The following LDLRAD4 variants were observed in gnomAD, a reference collection of about 807,000 sequenced individuals.
LDLRAD4 encodes low-density lipoprotein receptor class A domain-containing protein 4.
LDLRAD4 carries 5 observed loss-of-function variants against 17.0 expected under a neutral mutation model. That is an observed-to-expected ratio of 0.29 (90% CI 0.15 to 0.62). The LOEUF (loss-of-function observed/expected upper bound fraction) is 0.62, where lower values mean the gene tolerates loss of function less well. Ranked by LOEUF, LDLRAD4 falls within the 20% of genes least tolerant of loss-of-function variation. The pLI, the probability that LDLRAD4 is intolerant of heterozygous loss-of-function variation, is 0.84. For missense variants in LDLRAD4, 340 were observed against 424.7 expected, an observed-to-expected ratio of 0.80 and a Z score of 1.75; for synonymous variants, 168 against 171.8, an observed-to-expected ratio of 0.98 and a Z score of 0.17.
chr18:13,231,076 G>C (rs766621408), intron 1 of LDLRAD4, among the ~76,000 whole-genome samples: 1 of 152,182 alleles, frequency 6.6e-6, no homozygotes, highest in Non-Finnish European at 1.5e-5. Context: ...CTGATGTCCA[G>C]GGTGCTGCGG....
rs367805996 is a variant in LDLRAD4, at chr18:13,564,580, TAAAAAA to T, written c.182-56516_182-56511del. On this transcript the variant is annotated intron_variant, in intron 3 of 5. Transcript: ENST00000359446. ...AGTTCATTTTTGTGTTCCCATTTTC[TAAAAAA>T]AAAAAAAAAAAAAAAAAAAACTCAC... Among the ~76,000 whole-genome samples the T allele has an allele frequency of 2.5e-3, 209 of 82,460 alleles. 1 individual carries two copies. Among genetic ancestry groups the T allele is most frequent in the African/African-American group, 8.9e-3 (190 of 21,274 alleles). 54.1% of individuals were successfully genotyped at this position (82,460 alleles called of 152,430 possible).
Position 13,287,802 on chromosome 18 carries a change from C to T in LDLRAD4, c.-383+9614C>T, listed in dbSNP as rs946346668. 5.3e-5 allele frequency among the ~76,000 whole-genome samples: 8 copies of T among 152,256 alleles called. No homozygotes were observed. The East Asian group carries it at 1.4e-3, about 26-fold the overall frequency. Reference sequence around the variant, plus strand: ...AAATGCAAGTAATTAATATAAGCTTCCTACAATTTAGAATAATTAGTGGAA... The same window carrying T: ...AAATGCAAGTAATTAATATAAGCTTTCTACAATTTAGAATAATTAGTGGAA... On this transcript the variant is annotated intron_variant, in intron 1 of 5. Coordinates refer to ENST00000359446, the Ensembl canonical transcript of LDLRAD4.
At chr18:13,594,688 A>AAAAAAAAC (rs2095072565) in intron 3 of LDLRAD4, among the ~76,000 whole-genome samples, 1 of 149,418 alleles carries the variant, frequency 6.7e-6, no homozygotes, top group African/African-American at 2.5e-5. Context: ...AAAAAAAAAA[A>AAAAAAAAC]AGAAACAGGA....
intron 2 of LDLRAD4, among the ~76,000 whole-genome samples, chr18:13,416,182 G>A (rs1413372819): frequency 6.6e-6 from 1 of 152,180 alleles, no homozygotes; most frequent in African/African-American, 2.4e-5. Flanking sequence ...TTTCCCTTTG[G>A]CGAAGTGGGC....
chr18:13,533,963 G>A (rs1018760711), intron 3 of LDLRAD4, among the ~76,000 whole-genome samples: 2 of 152,136 alleles, frequency 1.3e-5, no homozygotes, highest in Non-Finnish European at 2.9e-5. Context: ...TAACTTGAGA[G>A]GGTCGTGAAG....
intron 2 of LDLRAD4, among the ~76,000 whole-genome samples, chr18:13,425,384 G>A (rs753516): frequency 2.0e-3 from 305 of 152,234 alleles, no homozygotes; most frequent in African/African-American, 7.3e-3. Context: ...TAAGCTTCTG[G>A]GTTACATTTG....
chr18:13,473,678 T>TATATATATATAA lies in LDLRAD4; in HGVS notation c.181+35295_181+35296insTATATATATAAA, dbSNP rs374731826. On this transcript the variant is annotated intron_variant, in intron 3 of 5. Coordinates refer to ENST00000359446, the Ensembl canonical transcript of LDLRAD4. Reference sequence around the variant, plus strand: ...ATATATATATATATATATATATATATAACGTTTACATTTTATATATATTTA... The same window carrying TATATATATATAA: ...ATATATATATATATATATATATATATATATATATATAAAACGTTTACATTTTATATATATTTA... 4.5e-3 allele frequency among the ~76,000 whole-genome samples: 360 copies of TATATATATATAA among 79,918 alleles called. 50 individuals carry two copies. Among genetic ancestry groups the TATATATATATAA allele is most frequent in the South Asian group, 6.3e-3 (15 of 2,380 alleles). The allele number at this position is 79,918 out of a possible 152,430, so 52.4% of individuals were successfully genotyped here.
chr18:13,361,736 A>G (rs1334585234), intron 1 of LDLRAD4, among the ~76,000 whole-genome samples: 1 of 152,188 alleles, frequency 6.6e-6, no homozygotes, highest in Non-Finnish European at 1.5e-5. Flanking sequence ...AACAGTTTGT[A>G]GGATGAGAAA....
At chr18:13,260,235 G>T (rs1484937375) in intron 1 of LDLRAD4, among the ~76,000 whole-genome samples, 2 of 152,178 alleles carry the variant, frequency 1.3e-5, no homozygotes, top group Admixed American at 6.5e-5. Flanking sequence ...ACTTGCCAAG[G>T]TGTGAGCAAT....
intron 3 of LDLRAD4, among the ~76,000 whole-genome samples, chr18:13,486,044 C>T (rs1007632876): frequency 6.6e-6 from 1 of 152,194 alleles, no homozygotes; most frequent in South Asian, 2.1e-4. Flanking sequence ...GCTGCCTCTG[C>T]TGAAGTAGCT....
At chr18:13,458,710 C>T (rs2092276611) in intron 3 of LDLRAD4, among the ~76,000 whole-genome samples, 1 of 152,188 alleles carries the variant, frequency 6.6e-6, no homozygotes, top group African/African-American at 2.4e-5. Flanking sequence ...CTGGACCATC[C>T]AGGCAGGCCT....
chr18:13,387,874 C>T (rs74783988), intron 2 of LDLRAD4, 112 bp downstream of exon 3: 23,102 of 889,108 alleles, frequency 0.026, 404 homozygotes, highest in Middle Eastern at 0.047. Context: ...TGAAGGCCAA[C>T]GCAGTCAAGG....
chr18:13,262,204 C>T (rs1448988468), intron 1 of LDLRAD4, among the ~76,000 whole-genome samples: 1 of 132,790 alleles, frequency 7.5e-6, no homozygotes, highest in African/African-American at 2.9e-5. Flanking sequence ...AAACTGAGTC[C>T]CGTGTGGCTC....
chr18:13,643,339 C>A lies in LDLRAD4; in HGVS notation c.337-20C>A. On this transcript the variant is annotated intron_variant, in intron 4 of 5. Coordinates refer to ENST00000359446, the Ensembl canonical transcript of LDLRAD4. ...TCTGTTTCTTGTTCCCCCCACTCTCCTCCCCTTCCCCTCCGCCAGGAAGGG... is the reference window on the plus strand; with the variant it reads ...TCTGTTTCTTGTTCCCCCCACTCTCATCCCCTTCCCCTCCGCCAGGAAGGG... 1 of 1,467,448 alleles carries A rather than the reference C, an allele frequency of 6.8e-7. No individual in the cohort carries two copies. Among genetic ancestry groups the A allele is most frequent in the East Asian group, 2.8e-5 (1 of 35,500 alleles). The allele number at this position is 1,467,448 out of a possible 1,614,324, so 90.9% of individuals were successfully genotyped here.
intron 1 of LDLRAD4, among the ~76,000 whole-genome samples, chr18:13,234,276 A>G (rs556599721): frequency 2.0e-5 from 3 of 152,230 alleles, no homozygotes; most frequent in Non-Finnish European, 2.9e-5. Context: ...CTCGCCGCAC[A>G]GGCCTCTGTG....
intron 1 of LDLRAD4, among the ~76,000 whole-genome samples, chr18:13,338,259 C>T (rs1337525523): frequency 6.6e-6 from 1 of 152,200 alleles, no homozygotes; most frequent in Non-Finnish European, 1.5e-5. Flanking sequence ...TTCAGAATTG[C>T]ACCCATTGCT....
chr18:13,510,083 G>A (rs1282317549), intron 3 of LDLRAD4, among the ~76,000 whole-genome samples: 1 of 152,168 alleles, frequency 6.6e-6, no homozygotes, highest in Non-Finnish European at 1.5e-5. Context: ...ACTTTATTTT[G>A]GCGGCCTGGA....
At chr18:13,485,347 G>A (rs1409836855) in intron 3 of LDLRAD4, among the ~76,000 whole-genome samples, 2 of 152,262 alleles carry the variant, frequency 1.3e-5, no homozygotes, top group African/African-American at 4.8e-5. Flanking sequence ...GAAGGCCTGA[G>A]TGAGGGGCTC....
At chr18:13,465,649 A>T (rs1219025518) in intron 3 of LDLRAD4, among the ~76,000 whole-genome samples, 18 of 152,254 alleles carry the variant, frequency 1.2e-4, no homozygotes, top group Admixed American at 1.2e-3. Flanking sequence ...AACATTTGGC[A>T]TCAGGGTTGT....
Sources: allele counts gnomAD v4.1 joint callset (sites outside exome capture counted in the v4.1 genomes callset), GRCh38; gene constraint gnomAD v4.1.1; transcripts MANE v1.5; gene names NCBI Gene and HGNC (gene_info 2026-07-23, HGNC 2026-07-21).